The following ETV1 variants were observed in gnomAD, a reference collection of about 807,000 sequenced individuals.
The protein encoded by ETV1 is ETS variant transcription factor 1, also known as ETS translocation variant 1.
A neutral mutation model predicts 62.3 loss-of-function variants in ETV1; 27 were observed. The observed-to-expected ratio is 0.43, with a 90% CI of 0.32 to 0.60. The LOEUF (loss-of-function observed/expected upper bound fraction) is 0.60, where lower values mean the gene tolerates loss of function less well. Ranked by LOEUF, ETV1 falls within the 20% of genes least tolerant of loss-of-function variation. The pLI, the probability that ETV1 is intolerant of heterozygous loss-of-function variation, is 0.06. For synonymous variants in ETV1, 222 were observed against 199.6 expected (o/e 1.11, Z -0.94); for missense variants, 605 against 605.8 (o/e 1.00, Z 0.01).
chr7:13,947,407 AAC>A lies in ETV1; in HGVS notation c.236-8163_236-8162del, dbSNP rs1229358239. Among the ~76,000 whole-genome samples the A allele has an allele frequency of 1.4e-3, 215 of 151,612 alleles. 1 individual carries two copies. The highest frequency in any genetic ancestry group is 4.7e-3 in the African/African-American group (195 of 41,184). On this transcript the variant is annotated intron_variant, in intron 6 of 13. Transcript: ENST00000430479. ...ACTAACTATACAAAAAAAAAAAAAA[AAC>A]AAACTCAAACACACATAATATTTAA...
chr7:13,938,562 G>A (rs1787084984), intron 7 of ETV1, among the ~76,000 whole-genome samples: 1 of 152,206 alleles, frequency 6.6e-6, no homozygotes, highest in Non-Finnish European at 1.5e-5. Flanking sequence ...ACATATATGT[G>A]ATCAAATTTT....
In ETV1 at chr7:13,894,017, T is replaced by C. The variant is rs1781564215; in HGVS notation, c.*1849A>G. On this transcript the variant is annotated 3_prime_UTR_variant, in exon 14 of 14. Coordinates refer to ENST00000430479, the MANE Select transcript of ETV1 (RefSeq NM_004956.5). ...TTTGGTGTTTGGGTTTCTTGATAACTGCTCCACTTAGAGAAATGAGCTGTG... is the reference window on the plus strand; with the variant it reads ...TTTGGTGTTTGGGTTTCTTGATAACCGCTCCACTTAGAGAAATGAGCTGTG... 1.3e-5 allele frequency: 3 copies of C among 232,994 alleles called. No homozygotes were observed. Among genetic ancestry groups the C allele is most frequent in the Non-Finnish European group, 1.7e-5 (2 of 117,882 alleles). 14.4% of individuals were successfully genotyped at this position (232,994 alleles called of 1,614,324 possible).
rs771410991 is a variant in ETV1 at position 13,931,682 on chromosome 7, G to A, written c.622C>T (p.Arg208Cys). Reference protein sequence around the residue: ...PPLPTMPREGRPMYQRQMSEP... With the variant: ...PPLPTMPREGCPMYQRQMSEP... ...GACATCTGGCGTTGGTACATAGGAC[G>A]TCCTTCCCTTGGCATCGTCGGCAAA... The change falls in exon 9 of 14, where the codon CGT (arginine) becomes TGT (cysteine). Residue 208 changes from arginine to cysteine, a missense_variant. By Grantham distance (180) the Arg-to-Cys change is radical. This residue lies in a region of ETV1 where 426 missense variants were observed against 377.8 expected (regional missense o/e 1.13). Coordinates refer to ENST00000430479, the MANE Select transcript of ETV1 (RefSeq NM_004956.5). 24 of 1,613,788 alleles carry A rather than the reference G, an allele frequency of 1.5e-5. No individual in the cohort carries two copies. The highest frequency in any genetic ancestry group is 5.3e-5 in the African/African-American group (4 of 74,926).
intron 10 of ETV1, 36 bp downstream of exon 10, chr7:13,911,203 G>A (rs762918304): frequency 4.2e-6 from 6 of 1,433,376 alleles, no homozygotes; most frequent in African/African-American, 2.8e-5. Flanking sequence ...TATTCTGAAC[G>A]GTATTTACAC....
At chr7:13,927,656 A>ATATC (rs1305890983) in intron 9 of ETV1, among the ~76,000 whole-genome samples, 1 of 152,182 alleles carries the variant, frequency 6.6e-6, no homozygotes, top group Non-Finnish European at 1.5e-5. Flanking sequence ...ACCAAACAAA[A>ATATC]TATCTACGAA....
rs190591105 is a variant in ETV1 at position 13,970,622 on chromosome 7, G to A, written c.235+6805C>T. 5.3e-5 allele frequency among the ~76,000 whole-genome samples: 8 copies of A among 152,230 alleles called. No homozygotes were observed. In the East Asian group the frequency reaches 1.2e-3, roughly 22 times the overall value. On this transcript the variant is annotated intron_variant, in intron 6 of 13. Transcript: ENST00000430479. ...AGCAGTCAGAAAAACGAAAGAAGAT[G>A]AAGTTTTCCTGACCAATCATATCAA...
rs544017232 is a variant in ETV1 at position 13,971,981 on chromosome 7, G to A, written c.235+5446C>T. Among the ~76,000 whole-genome samples the A allele has an allele frequency of 4.6e-5, 7 of 151,946 alleles. 1 individual carries two copies. Among genetic ancestry groups the A allele is most frequent in the African/African-American group, 7.3e-5 (3 of 41,368 alleles). On this transcript the variant is annotated intron_variant, in intron 6 of 13. Coordinates refer to ENST00000430479, the MANE Select transcript of ETV1 (RefSeq NM_004956.5). Reference sequence around the variant, plus strand: ...ACAAAAATTATCCAGGCATGGTAGCGCATGCCTGTAATCCCAGCTACCTAG... The same window carrying A: ...ACAAAAATTATCCAGGCATGGTAGCACATGCCTGTAATCCCAGCTACCTAG...
chr7:13,914,724 G>C (rs780409911), intron 9 of ETV1, among the ~76,000 whole-genome samples: 1 of 151,606 alleles, frequency 6.6e-6, no homozygotes, highest in Non-Finnish European at 1.5e-5. Flanking sequence ...CCAAAGGTTT[G>C]ACCACAAAGT....
intron 11 of ETV1, 124 bp downstream of exon 11, chr7:13,909,508 A>T: frequency 1.4e-6 from 1 of 724,730 alleles, no homozygotes; most frequent in Non-Finnish European, 2.4e-6. Context: ...GGCTAAAATT[A>T]AGTGCATGAT....
At chr7:13,957,608 T>G (rs1789636737) in intron 6 of ETV1, among the ~76,000 whole-genome samples, 1 of 152,236 alleles carries the variant, frequency 6.6e-6, no homozygotes, top group Middle Eastern at 3.2e-3. Flanking sequence ...TATTTCTGTC[T>G]TATTTTATTT....
At chr7:13,915,595 C>T (rs926914602) in intron 9 of ETV1, among the ~76,000 whole-genome samples, 2 of 152,102 alleles carry the variant, frequency 1.3e-5, no homozygotes, top group African/African-American at 2.4e-5. Context: ...TACAAGGATG[C>T]ATAGATTACC....
chr7:13,919,969 A>T (rs917974004), intron 9 of ETV1, among the ~76,000 whole-genome samples: 2 of 152,112 alleles, frequency 1.3e-5, no homozygotes, highest in African/African-American at 4.8e-5. Context: ...TCTCAGTTCC[A>T]CTTATAAAAA....
intron 9 of ETV1, among the ~76,000 whole-genome samples, chr7:13,927,516 T>G (rs1177230144): frequency 6.6e-6 from 1 of 152,224 alleles, no homozygotes; most frequent in African/African-American, 2.4e-5. Flanking sequence ...TAAATCTATG[T>G]GCTTCCTAAT....
intron 6 of ETV1, among the ~76,000 whole-genome samples, chr7:13,956,397 G>A (rs1789467738): frequency 6.6e-6 from 1 of 151,820 alleles, no homozygotes; most frequent in Admixed American, 6.6e-5. Flanking sequence ...TATTACAGGA[G>A]AGAACTCCAT....
intron 13 of ETV1, among the ~76,000 whole-genome samples, chr7:13,897,152 G>C (rs1260668661): frequency 2.0e-5 from 3 of 151,998 alleles, no homozygotes; most frequent in African/African-American, 7.2e-5. Context: ...AACCCGGGGT[G>C]GGGGGATGGG....
intron 12 of ETV1, 179 bp downstream of exon 12, chr7:13,906,251 G>T: frequency 2.2e-6 from 1 of 453,462 alleles, no homozygotes. Context: ...GAAGGAACAC[G>T]CAATACATTG....
At chr7:13,910,077 A>C (rs1783407484) in intron 10 of ETV1, among the ~76,000 whole-genome samples, 1 of 152,114 alleles carries the variant, frequency 6.6e-6, no homozygotes, top group Admixed American at 6.6e-5. Context: ...AAAAGTGAGA[A>C]AGCAAGGTGA....
chr7:13,912,723 A>G (rs1280329268), intron 9 of ETV1, among the ~76,000 whole-genome samples: 1 of 152,174 alleles, frequency 6.6e-6, no homozygotes, highest in African/African-American at 2.4e-5. Context: ...CATTGTTTAA[A>G]TCTGGTCTAT....
intron 4 of ETV1, 176 bp from the exon 5 acceptor site, chr7:13,986,861 T>C: frequency 3.5e-6 from 2 of 567,896 alleles, no homozygotes; most frequent in Non-Finnish European, 6.2e-6. Flanking sequence ...TGCCTACTTT[T>C]CATGCCTATT....
Sources: gnomAD v4.1 joint callset for allele counts (sites outside exome capture counted in the v4.1 genomes callset) on GRCh38, gnomAD v4.1.1 for gene constraint, gnomAD v4.1.1 regional missense constraint, MANE v1.5 for transcripts, NCBI Gene and HGNC (gene_info 2026-07-23, HGNC 2026-07-21) for gene names.